The following CRTAC1 variants were observed in gnomAD, a reference collection of about 807,000 sequenced individuals.
CRTAC1 encodes the protein cartilage acidic protein 1.
CRTAC1 carries 37 observed loss-of-function variants against 67.8 expected under a neutral mutation model. That is an observed-to-expected ratio of 0.55 (90% CI 0.42 to 0.72). The LOEUF (loss-of-function observed/expected upper bound fraction) is 0.72, where lower values mean the gene tolerates loss of function less well. CRTAC1 is among the 30% of genes least tolerant of loss of function. CRTAC1 has a pLI of 0.00. For synonymous variants in CRTAC1, 348 were observed against 371.0 expected (o/e 0.94, Z 0.71); for missense variants, 780 against 931.6 (o/e 0.84, Z 2.12).
At chr10:97,899,404 G>A (rs1320111822) in intron 8 of CRTAC1, among the ~76,000 whole-genome samples, 1 of 152,190 alleles carries the variant, frequency 6.6e-6, no homozygotes, top group African/African-American at 2.4e-5. Flanking sequence ...TGCAGGGGAC[G>A]CTGGGAGATT....
At chr10:97,978,459 T>G (rs1463493406) in intron 2 of CRTAC1, among the ~76,000 whole-genome samples, 3 of 152,294 alleles carry the variant, frequency 2.0e-5, no homozygotes, top group Non-Finnish European at 2.9e-5. Flanking sequence ...AGACGACAGA[T>G]GTAAAGAACT....
chr10:97,865,867 C>T, intron 14 of CRTAC1, 153 bp from the exon 15 acceptor site: 2 of 1,149,388 alleles, frequency 1.7e-6, no homozygotes, highest in Non-Finnish European at 1.2e-6. Flanking sequence ...GGGCCATCAA[C>T]CTATGCCCCC....
intron 14 of CRTAC1, chr10:97,879,522 C>T: frequency 4.9e-6 from 4 of 820,144 alleles, no homozygotes; most frequent in Non-Finnish European, 5.4e-6. Flanking sequence ...TCAGTATCGC[C>T]CAACCTTCCC....
Position 97,880,270 on chromosome 10 carries a change from C to G in CRTAC1, c.1798G>C (p.Glu600Gln), listed in dbSNP as rs546461482. 1 of 1,614,210 alleles carries G rather than the reference C, an allele frequency of 6.2e-7. No individual in the cohort carries two copies. Residue 600 changes from glutamate to glutamine, a missense_variant, in exon 14 of 15, where the codon GAG becomes CAG. Physicochemically the swap from Glu to Gln is conservative, Grantham distance 29 (BLOSUM62 2). Coordinates refer to ENST00000370597, the MANE Select transcript of CRTAC1 (RefSeq NM_018058.7). ...TCACCCACGCAGGCTGTGCCATCCT[C>G]GTTGGGCTCGTAGCCCCGACTGCAC... is the stretch of plus-strand genomic sequence containing the variant. ...KKCSRGYEPN[E>Q]DGTACVGTLG...
intron 1 of CRTAC1, among the ~76,000 whole-genome samples, chr10:98,020,762 G>A (rs534034814): frequency 1.3e-5 from 2 of 152,326 alleles, no homozygotes; most frequent in South Asian, 2.1e-4. Flanking sequence ...GTGCAGACTC[G>A]GGGCAGGGGC....
intron 2 of CRTAC1, among the ~76,000 whole-genome samples, chr10:97,944,404 C>G (rs556100937): frequency 6.6e-6 from 1 of 151,800 alleles, no homozygotes; most frequent in South Asian, 2.1e-4. Context: ...TGCTGTCAAG[C>G]CTGGGCAACA....
chr10:97,981,373 G>T (rs775813083), intron 2 of CRTAC1, among the ~76,000 whole-genome samples: 2 of 152,176 alleles, frequency 1.3e-5, no homozygotes, highest in Non-Finnish European at 2.9e-5. Flanking sequence ...GTTTTGCAAA[G>T]TTGGGATTCT....
intron 2 of CRTAC1, among the ~76,000 whole-genome samples, chr10:97,998,392 T>C (rs991276007): frequency 6.6e-6 from 1 of 152,040 alleles, no homozygotes; most frequent in African/African-American, 2.4e-5. Context: ...ATATACACGA[T>C]AGTAAAACTG....
chr10:97,951,971 G>A (rs2051362958), intron 2 of CRTAC1, among the ~76,000 whole-genome samples: 2 of 152,166 alleles, frequency 1.3e-5, no homozygotes, highest in African/African-American at 2.4e-5. Context: ...GCACATTAAT[G>A]TTTCAGAAGG....
At chr10:97,943,484 A>G (rs2051210483) in intron 2 of CRTAC1, among the ~76,000 whole-genome samples, 1 of 152,224 alleles carries the variant, frequency 6.6e-6, no homozygotes, top group South Asian at 2.1e-4. Context: ...CACTTGGGGC[A>G]TTTCCTCTAA....
chr10:98,011,042 T>G (rs1345393704), intron 2 of CRTAC1, 96 bp downstream of exon 2: 20 of 1,056,958 alleles, frequency 1.9e-5, no homozygotes, highest in African/African-American at 3.1e-5. Flanking sequence ...TGAGAACGTA[T>G]GTTGTTGCAA....
rs913900631 is a variant in CRTAC1 at position 97,953,961 on chromosome 10, C to T, written c.225-17595G>A. Among the ~76,000 whole-genome samples, 4 of 152,284 alleles carry T rather than the reference C, an allele frequency of 2.6e-5. No individual in the cohort carries two copies. The East Asian group carries it at 7.7e-4, about 29-fold the overall frequency. ...AAAAAGAAGAATTACTGCTTCTTTA[C>T]TTTATGGCTCTGGCAAATTCTCGGG... On this transcript the variant is annotated intron_variant, in intron 2 of 14. Coordinates refer to ENST00000370597, the MANE Select transcript of CRTAC1 (RefSeq NM_018058.7).
At chr10:97,948,981 C>T (rs184319237) in intron 2 of CRTAC1, among the ~76,000 whole-genome samples, 20 of 152,222 alleles carry the variant, frequency 1.3e-4, no homozygotes, top group East Asian at 7.7e-4. Context: ...GGGTAACTAC[C>T]GCCCCATGAT....
chr10:97,911,656 G>A (rs2050690010), intron 5 of CRTAC1, among the ~76,000 whole-genome samples: 1 of 152,320 alleles, frequency 6.6e-6, no homozygotes, highest in Non-Finnish European at 1.5e-5. Context: ...CTCCCAGGTC[G>A]ACAAGCAAAT....
At position 97,917,483 on chromosome 10, in the gene CRTAC1, C is replaced by T. The variant is rs1347605451; in HGVS notation, c.715+17G>A. The T allele has an allele frequency of 6.7e-7, 1 of 1,493,168 alleles. No individual in the cohort carries two copies. Among genetic ancestry groups the T allele is most frequent in the Admixed American group, 1.9e-5 (1 of 51,640 alleles). The allele number at this position is 1,493,168 out of a possible 1,614,324, so 92.5% of individuals were successfully genotyped here. On this transcript the variant is annotated intron_variant, in intron 5 of 14. Transcript: ENST00000370597. The stretch of plus-strand genomic sequence containing the variant: ...CCAGCCCCTCCAGCATACTACCTCC[C>T]ATGTCACTCTGCATACCTGTATATT...
chr10:98,028,178 C>T (rs1181467565), intron 1 of CRTAC1, among the ~76,000 whole-genome samples: 2 of 152,208 alleles, frequency 1.3e-5, no homozygotes, highest in African/African-American at 2.4e-5. Flanking sequence ...GTGCTTGCAC[C>T]TGCCCCATAG....
chr10:97,911,504 T>G lies in CRTAC1; in HGVS notation c.716-3357A>C, dbSNP rs1162090394. Among the ~76,000 whole-genome samples, 9 of 152,146 alleles carry G rather than the reference T, an allele frequency of 5.9e-5. No homozygotes were observed. In the East Asian group the frequency reaches 1.7e-3, roughly 29 times the overall value. On this transcript the variant is annotated intron_variant, in intron 5 of 14. Transcript: ENST00000370597. ...CCTCCTTCTCGGCAAGTTGGCTGCATAGTTGGGGAGCAGGTGAGTCGACAG... is the reference window on the plus strand; with the variant it reads ...CCTCCTTCTCGGCAAGTTGGCTGCAGAGTTGGGGAGCAGGTGAGTCGACAG...
Position 97,865,493 on chromosome 10 carries a change from C to T in CRTAC1, c.*55G>A. ...CTACTGTCTAGGCAGCAGCACAAGC[C>T]CACTTTCCCACTCCCCTGCTGGACT... On this transcript the variant is annotated 3_prime_UTR_variant, in exon 15 of 15. Transcript: ENST00000370597. 5 of 1,556,738 alleles carry T rather than the reference C, an allele frequency of 3.2e-6. No individual in the cohort carries two copies. Among genetic ancestry groups the T allele is most frequent in the Non-Finnish European group, 4.4e-6 (5 of 1,145,448 alleles).
rs2050007406 is a variant in CRTAC1, at chr10:97,865,375, A to T, written c.*173T>A. The T allele has an allele frequency of 4.0e-6, 3 of 751,524 alleles. No individual in the cohort carries two copies. In the South Asian group the frequency reaches 7.3e-5, roughly 18 times the overall value. 46.6% of individuals were successfully genotyped at this position (751,524 alleles called of 1,614,324 possible). On this transcript the variant is annotated 3_prime_UTR_variant, in exon 15 of 15. Transcript: ENST00000370597. Reference sequence around the variant, plus strand: ...CTGTGATCACAGCTATGTGCCCAGCACAGGGCCTGGCCTTACGAGTCTCCC... The same window carrying T: ...CTGTGATCACAGCTATGTGCCCAGCTCAGGGCCTGGCCTTACGAGTCTCCC...
Sources: gnomAD v4.1 joint callset for allele counts (sites outside exome capture counted in the v4.1 genomes callset) on GRCh38, gnomAD v4.1.1 for gene constraint, MANE v1.5 for transcripts, NCBI Gene and HGNC (gene_info 2026-07-23, HGNC 2026-07-21) for gene names.